BAZ2B: variants seen among roughly 807,000 people sequenced by gnomAD.
The protein encoded by BAZ2B is bromodomain adjacent to zinc finger domain protein 2B.
Under a neutral mutation model 246.0 loss-of-function variants are expected in BAZ2B, and 91 were observed. That is an observed-to-expected ratio of 0.37 (90% CI 0.31 to 0.44). The LOEUF is 0.44. Ranked by LOEUF, BAZ2B falls within the 20% of genes least tolerant of loss-of-function variation. The pLI, the probability that BAZ2B is intolerant of heterozygous loss-of-function variation, is 1.00. For synonymous variants in BAZ2B, 855 were observed against 860.0 expected (o/e 0.99, Z 0.10); for missense variants, 2,332 against 2,533.7 (o/e 0.92, Z 1.71).
chr2:159,572,818 A>G (rs1241946372), intron 1 of BAZ2B, among the ~76,000 whole-genome samples: 1 of 152,210 alleles, frequency 6.6e-6, no homozygotes, highest in African/African-American at 2.4e-5. Context: ...AAACAAAAAC[A>G]AAAATCAGAT....
intron 2 of BAZ2B, among the ~76,000 whole-genome samples, chr2:159,534,686 G>C (rs945348099): frequency 1.3e-5 from 2 of 151,178 alleles, no homozygotes; most frequent in Non-Finnish European, 2.9e-5. Flanking sequence ...GGAGGGCAGT[G>C]GCGCCCACCT....
intron 13 of BAZ2B, among the ~76,000 whole-genome samples, chr2:159,421,208 T>C (rs1247082348): frequency 6.6e-6 from 1 of 151,486 alleles, no homozygotes; most frequent in Admixed American, 6.6e-5. Context: ...AGGGTCTCAA[T>C]CTGTCACCTA....
intron 36 of BAZ2B, 139 bp downstream of exon 36, chr2:159,324,671 CA>C: frequency 1.3e-5 from 3 of 222,962 alleles, no homozygotes; most frequent in Middle Eastern, 1.2e-3. Context: ...CACACACACA[CA>C]CACACACACA....
the BAZ2B span, chr2:159,690,192 C>A: frequency 2.1e-6 from 1 of 476,422 alleles, no homozygotes; most frequent in Non-Finnish European, 4.0e-6. Flanking sequence ...GTCTTTCCAA[C>A]ATTTCTTATA....
At chr2:159,676,264 C>A in the BAZ2B span, among the ~76,000 whole-genome samples, 7 of 152,026 alleles carry the variant, frequency 4.6e-5, no homozygotes, top group Admixed American at 3.9e-4. Flanking sequence ...AACTCCTGAA[C>A]TCCAGCAATC....
chr2:159,429,346 G>A (rs2070643069), intron 10 of BAZ2B, 86 bp from the exon 11 acceptor site: 4 of 778,636 alleles, frequency 5.1e-6, no homozygotes, highest in Admixed American at 6.2e-5. Flanking sequence ...CTTTAAAAAA[G>A]TATATGTTAA....
intron 1 of BAZ2B, among the ~76,000 whole-genome samples, chr2:159,604,955 CGT>C (rs1263332647): frequency 2.6e-4 from 16 of 62,220 alleles, no homozygotes; most frequent in Non-Finnish European, 5.8e-4. Context: ...TGTGTGTGCG[CGT>C]GTGTGCGCGC....
In BAZ2B at chr2:159,570,195, T is replaced by G. The variant is rs935380523; in HGVS notation, c.-45-14330A>C. Among the ~76,000 whole-genome samples, 234 of 152,040 alleles carry G rather than the reference T, an allele frequency of 1.5e-3. 1 individual carries two copies. The highest frequency in any genetic ancestry group is 4.9e-3 in the African/African-American group (201 of 41,432). On this transcript the variant is annotated intron_variant, in intron 1 of 36. Transcript: ENST00000392783. ...AAGTTTTTTTTTGTTTTTTTTGTTTTTTTTCTGGAGACAGACTCTCGCTCT... is the reference window on the plus strand; with the variant it reads ...AAGTTTTTTTTTGTTTTTTTTGTTTGTTTTCTGGAGACAGACTCTCGCTCT...
chr2:159,686,190 C>G, the BAZ2B span, among the ~76,000 whole-genome samples: 2 of 152,228 alleles, frequency 1.3e-5, no homozygotes, highest in East Asian at 3.9e-4. Context: ...CCCTTGAACC[C>G]AGGAGTTCAA....
chr2:159,678,943 G>A, the BAZ2B span, among the ~76,000 whole-genome samples: 1 of 152,146 alleles, frequency 6.6e-6, no homozygotes, highest in African/African-American at 2.4e-5. Flanking sequence ...TTTGAGAATA[G>A]TTTCTATGCT....
chr2:159,522,440 A>G (rs1235126158), intron 2 of BAZ2B, among the ~76,000 whole-genome samples: 9 of 152,174 alleles, frequency 5.9e-5, no homozygotes, highest in Non-Finnish European at 1.2e-4. Context: ...AACAACAACA[A>G]CAACAAAAAG....
intron 3 of BAZ2B, among the ~76,000 whole-genome samples, chr2:159,469,649 G>A (rs4505476): frequency 2.0e-5 from 3 of 151,896 alleles, no homozygotes; most frequent in East Asian, 1.9e-4. Flanking sequence ...TCATGTTGGC[G>A]AGGCAGGTCT....
intron 27 of BAZ2B, among the ~76,000 whole-genome samples, chr2:159,369,839 G>C (rs1299729801): frequency 6.6e-6 from 1 of 152,186 alleles, no homozygotes; most frequent in Non-Finnish European, 1.5e-5. Flanking sequence ...ACGTGTGCAT[G>C]TGTCTTTATA....
chr2:159,400,904 C>T (rs1344226750), intron 16 of BAZ2B, among the ~76,000 whole-genome samples: 2 of 152,010 alleles, frequency 1.3e-5, no homozygotes, highest in African/African-American at 2.4e-5. Flanking sequence ...ATTAGCAGGG[C>T]TTGGTGGCGG....
Position 159,336,970 on chromosome 2 carries a change from A to G in BAZ2B, c.5768T>C (p.Ile1923Thr). Residue 1923 changes from isoleucine to threonine, a missense_variant, in exon 33 of 37, where the codon ATA becomes ACA. Ile to Thr is a moderately conservative substitution (Grantham distance 89). Transcript: ENST00000392783. ...ALCIQQLQKS[I>T]AWEKSIMKVY... ...TTTCATAATTGATTTTTCCCATGCT[A>G]TTGATTTCTGTAATTGCTGAATGCA... 1 of 1,607,418 alleles carries G rather than the reference A, an allele frequency of 6.2e-7. No individual in the cohort carries two copies. The highest frequency in any genetic ancestry group is 8.5e-7 in the Non-Finnish European group (1 of 1,175,494).
intron 1 of BAZ2B, among the ~76,000 whole-genome samples, chr2:159,575,399 C>T (rs544580775): frequency 3.5e-4 from 54 of 152,224 alleles, no homozygotes; most frequent in African/African-American, 1.1e-3. Context: ...ATTCAACAGG[C>T]ATGTATCAAG....
the BAZ2B span, among the ~76,000 whole-genome samples, chr2:159,668,625 A>G: frequency 2.6e-5 from 4 of 151,974 alleles, no homozygotes; most frequent in Non-Finnish European, 5.9e-5. Context: ...TGGTTTTGTC[A>G]GTTTTCTCTC....
chr2:159,401,401 T>C (rs1286221553), intron 16 of BAZ2B, among the ~76,000 whole-genome samples: 4 of 152,180 alleles, frequency 2.6e-5, no homozygotes, highest in East Asian at 1.9e-4. Flanking sequence ...TTCTATAAAA[T>C]AGTGAGAGGT....
intron 36 of BAZ2B, among the ~76,000 whole-genome samples, chr2:159,323,089 T>G (rs1441697388): frequency 6.6e-6 from 1 of 150,626 alleles, no homozygotes; most frequent in Non-Finnish European, 1.5e-5. Context: ...CAGTTTCAAG[T>G]GATTCTTGTG....
Sources: gnomAD v4.1 joint callset for allele counts (sites outside exome capture counted in the v4.1 genomes callset) on GRCh38, gnomAD v4.1.1 for gene constraint, MANE v1.5 for transcripts, NCBI Gene and HGNC (gene_info 2026-07-23, HGNC 2026-07-21) for gene names.